WHRN: variants seen among roughly 807,000 people sequenced by gnomAD.
The protein encoded by WHRN is whirlin.
WHRN carries 41 observed loss-of-function variants against 68.3 expected under a neutral mutation model. That is an observed-to-expected ratio of 0.60 (90% CI 0.47 to 0.78). WHRN has a LOEUF of 0.78. Among genes scored for constraint, WHRN ranks in the 30% least tolerant of loss-of-function variants. The probability of loss-of-function intolerance (pLI) is 0.00; values close to 1 mark genes in which losing one functional copy is unlikely to be tolerated. For synonymous variants in WHRN, 560 were observed against 561.3 expected (o/e 1.00, Z 0.03); for missense variants, 1,243 against 1,244.7 (o/e 1.00, Z 0.02).
At chr9:114,456,336 T>G (rs1030502465) in intron 3 of WHRN, among the ~76,000 whole-genome samples, 2 of 152,086 alleles carry the variant, frequency 1.3e-5, no homozygotes, top group Non-Finnish European at 2.9e-5. Context: ...GAAGACAGAA[T>G]GCAGACTGAG....
rs149457379 is a variant in WHRN, at chr9:114,410,830, G to C, written c.1627-2812C>G. On this transcript the variant is annotated intron_variant, in intron 7 of 11. Coordinates refer to ENST00000362057, the MANE Select transcript of WHRN (RefSeq NM_015404.4). ...ATGCAAGCGCGGTATGTGGTGGTTG[G>C]GGGGATTCTTTCAAAAGGGCGAGGG... 2.6e-5 allele frequency among the ~76,000 whole-genome samples: 4 copies of C among 152,342 alleles called. No homozygotes were observed. The East Asian group carries it at 5.8e-4, about 22-fold the overall frequency.
At chr9:114,458,270 C>T (rs1303024810) in intron 3 of WHRN, among the ~76,000 whole-genome samples, 2 of 152,136 alleles carry the variant, frequency 1.3e-5, no homozygotes, top group African/African-American at 2.4e-5. Flanking sequence ...ATTCAACCAT[C>T]GAGTTCTTAG....
intron 7 of WHRN, among the ~76,000 whole-genome samples, chr9:114,408,624 C>T (rs1835209115): frequency 6.6e-6 from 1 of 152,264 alleles, no homozygotes; most frequent in African/African-American, 2.4e-5. Flanking sequence ...CATCGGAGCT[C>T]CTCTCTGAGC....
At chr9:114,467,140 G>A (rs564215390) in intron 2 of WHRN, among the ~76,000 whole-genome samples, 23 of 151,930 alleles carry the variant, frequency 1.5e-4, no homozygotes, top group Admixed American at 1.4e-3. Flanking sequence ...TGCCTCCCCA[G>A]GGGTCTCCTA....
chr9:114,485,047 G>A (rs536099660), intron 1 of WHRN, among the ~76,000 whole-genome samples: 1 of 152,290 alleles, frequency 6.6e-6, no homozygotes, highest in East Asian at 1.9e-4. Context: ...AAGACTATCA[G>A]ATCACTGTGC....
At chr9:114,438,898 G>T (rs575859002) in intron 3 of WHRN, among the ~76,000 whole-genome samples, 1 of 152,268 alleles carries the variant, frequency 6.6e-6, no homozygotes, top group Admixed American at 6.5e-5. Flanking sequence ...AGAACGGTTG[G>T]ATAACGTATG....
At chr9:114,442,382 A>T (rs1838447732) in intron 3 of WHRN, among the ~76,000 whole-genome samples, 1 of 152,210 alleles carries the variant, frequency 6.6e-6, no homozygotes, top group African/African-American at 2.4e-5. Flanking sequence ...AGAGAAAAAA[A>T]ATACTGAAGT....
intron 3 of WHRN, among the ~76,000 whole-genome samples, chr9:114,447,403 G>A (rs1464942240): frequency 6.6e-6 from 1 of 152,162 alleles, no homozygotes; most frequent in Non-Finnish European, 1.5e-5. Flanking sequence ...GGGTTGCTGT[G>A]AGGGTAAAAG....
intron 7 of WHRN, among the ~76,000 whole-genome samples, chr9:114,421,512 C>A (rs1836283136): frequency 6.6e-6 from 1 of 152,234 alleles, no homozygotes; most frequent in Non-Finnish European, 1.5e-5. Context: ...AGACCTCCTG[C>A]CTCCCAGACC....
intron 3 of WHRN, among the ~76,000 whole-genome samples, chr9:114,462,846 T>C (rs184948137): frequency 6.6e-6 from 1 of 152,302 alleles, no homozygotes; most frequent in East Asian, 1.9e-4. Context: ...TAAGAAGTAT[T>C]TAGCTCAGTA....
intron 3 of WHRN, among the ~76,000 whole-genome samples, chr9:114,464,824 TGA>T (rs1840532381): frequency 1.9e-5 from 1 of 53,660 alleles, no homozygotes; most frequent in Non-Finnish European, 3.7e-5. Context: ...ATAATGATGA[TGA>T]TGATGATGAT....
chr9:114,431,934 C>A (rs930164820), intron 3 of WHRN, among the ~76,000 whole-genome samples: 7 of 152,218 alleles, frequency 4.6e-5, no homozygotes, highest in African/African-American at 1.7e-4. Flanking sequence ...TCCACCAGAG[C>A]TCACTGGGAC....
At chr9:114,414,109 G>C (rs1270641282) in intron 7 of WHRN, among the ~76,000 whole-genome samples, 4 of 152,178 alleles carry the variant, frequency 2.6e-5, no homozygotes, top group African/African-American at 9.7e-5. Context: ...CTAACTGAAA[G>C]GCCACGTTTC....
chr9:114,425,935 TGGATGAAGCAA>T, intron 4 of WHRN: 1 of 497,476 alleles, frequency 2.0e-6, no homozygotes, highest in Admixed American at 3.2e-5. Flanking sequence ...CCCCACTTTT[TGGATGAAGCAA>T]CTAAGGTCTA....
At chr9:114,482,805 G>A (rs904500328) in intron 1 of WHRN, among the ~76,000 whole-genome samples, 4 of 152,196 alleles carry the variant, frequency 2.6e-5, no homozygotes, top group African/African-American at 7.2e-5. Context: ...GCAACCTTGC[G>A]AACGGAGAGG....
intron 1 of WHRN, among the ~76,000 whole-genome samples, chr9:114,484,659 T>A (rs969068886): frequency 6.6e-5 from 10 of 152,148 alleles, no homozygotes; most frequent in African/African-American, 2.4e-4. Flanking sequence ...CCAACTCAAA[T>A]CATAGAGAAA....
At chr9:114,468,047 G>C (rs1301705729) in intron 2 of WHRN, among the ~76,000 whole-genome samples, 1 of 152,186 alleles carries the variant, frequency 6.6e-6, no homozygotes. Context: ...CTTGGGCAGA[G>C]GTGGTGAACA....
chr9:114,424,866 A>T, intron 5 of WHRN, 122 bp downstream of exon 5: 2 of 1,109,124 alleles, frequency 1.8e-6, no homozygotes, highest in Non-Finnish European at 2.8e-6. Flanking sequence ...GGGGGTGGGC[A>T]GATAAGGGGC....
intron 7 of WHRN, among the ~76,000 whole-genome samples, chr9:114,411,773 T>A (rs1164534596): frequency 6.6e-6 from 1 of 152,220 alleles, no homozygotes; most frequent in Non-Finnish European, 1.5e-5. Context: ...CGATTACACC[T>A]GAAGTTCAGA....
Sources: allele counts gnomAD v4.1 joint callset (sites outside exome capture counted in the v4.1 genomes callset), GRCh38; gene constraint gnomAD v4.1.1; transcripts MANE v1.5; gene names NCBI Gene and HGNC (gene_info 2026-07-23, HGNC 2026-07-21).